Variants in PPP1R36 observed in about 807,000 individuals in gnomAD.
The protein encoded by PPP1R36 is chromosome 14 open reading frame 50.
A neutral mutation model predicts 53.4 loss-of-function variants in PPP1R36; 47 were observed. The observed-to-expected ratio is 0.88, with a 90% CI of 0.70 to 1.12. The LOEUF is 1.12. Ranked by LOEUF, PPP1R36 falls within the 50% of genes most tolerant of loss-of-function variation. PPP1R36 has a pLI of 0.00. For missense variants in PPP1R36, 456 were observed against 513.9 expected (o/e 0.89, Z 1.09); for synonymous variants, 153 against 170.5 (o/e 0.90, Z 0.80).
intron 8 of PPP1R36, among the ~76,000 whole-genome samples, chr14:64,577,023 A>G (rs566449740): frequency 1.4e-4 from 22 of 152,254 alleles, no homozygotes; most frequent in Admixed American, 1.3e-3. Context: ...GTGGCTTATA[A>G]ACAACAGAAA....
chr14:64,574,695 T>TCAA, intron 8 of PPP1R36, 106 bp downstream of exon 8: 1 of 1,289,198 alleles, frequency 7.8e-7, no homozygotes, highest in Non-Finnish European at 1.1e-6. Flanking sequence ...TTCCTTTTTC[T>TCAA]GTTGTCCAGA....
rs559761958 is a variant in PPP1R36 at position 64,578,136 on chromosome 14, T to G, written c.668+3547T>G. ...CGCCTGGCTAATTTTTTGTATTTAG[T>G]AGAGATGGGGTTTCACCATGTTAGT... On this transcript the variant is annotated intron_variant, in intron 8 of 11. Coordinates refer to ENST00000298705, the MANE Select transcript of PPP1R36 (RefSeq NM_172365.3). Among the ~76,000 whole-genome samples, 8 of 151,898 alleles carry G rather than the reference T, an allele frequency of 5.3e-5. No individual in the cohort carries two copies. In the South Asian group the frequency reaches 1.7e-3, roughly 32 times the overall value.
chr14:64,551,882 G>T (rs1168671908), intron 2 of PPP1R36, among the ~76,000 whole-genome samples: 9 of 152,146 alleles, frequency 5.9e-5, no homozygotes. Context: ...CATGTTCAAA[G>T]AATCTGCTAG....
At chr14:64,563,493 G>T (rs12323845) in intron 3 of PPP1R36, among the ~76,000 whole-genome samples, 81,772 of 151,012 alleles carry the variant, frequency 0.54, 22,764 homozygotes, top group East Asian at 0.65. Flanking sequence ...TGGAAAAATT[G>T]TAAAAAATCA....
In PPP1R36 at chr14:64,581,281, G is replaced by A. The variant is rs140591358; in HGVS notation, c.669-5556G>A. 2.8e-4 allele frequency among the ~76,000 whole-genome samples: 43 copies of A among 152,292 alleles called. 2 individuals carry two copies. The East Asian group carries it at 8.1e-3, about 29-fold the overall frequency. On this transcript the variant is annotated intron_variant, in intron 8 of 11. Transcript: ENST00000298705. Reference sequence around the variant, plus strand: ...AAAAACTTGGGGTCTGCAGAAAGATGTGTTAGGTCTGGCTCATGTACATGA... The same window carrying A: ...AAAAACTTGGGGTCTGCAGAAAGATATGTTAGGTCTGGCTCATGTACATGA...
intron 3 of PPP1R36, among the ~76,000 whole-genome samples, chr14:64,556,774 G>GTGTGTGTGTA (rs1363360381): frequency 6.7e-6 from 1 of 148,904 alleles, no homozygotes. Flanking sequence ...GTGTGTGTGT[G>GTGTGTGTGTA]TGTGTGTGTG....
intron 3 of PPP1R36, among the ~76,000 whole-genome samples, chr14:64,558,996 T>G (rs1016358328): frequency 1.3e-5 from 2 of 152,162 alleles, no homozygotes; most frequent in African/African-American, 4.8e-5. Context: ...ATAGTAGCCT[T>G]TAGTGGATCT....
chr14:64,553,271 C>G (rs957550169), intron 3 of PPP1R36, among the ~76,000 whole-genome samples: 4 of 152,166 alleles, frequency 2.6e-5, no homozygotes, highest in Admixed American at 1.3e-4. Flanking sequence ...ATTTTTCAAA[C>G]TAATTTTCAG....
rs756330401 is a variant in PPP1R36, at chr14:64,565,423, A to G, written c.336A>G (p.Gln112=). The change falls in exon 5 of 12, where the codon CAA becomes CAG. Residue 112 remains glutamine, a synonymous_variant. Coordinates refer to ENST00000298705, the MANE Select transcript of PPP1R36 (RefSeq NM_172365.3). The stretch of plus-strand genomic sequence containing the variant: ...CTAAAGCTGTAGAGAAACGAGGTCA[A>G]CAGGGCACCATTACACTGGATGATG... The part of the protein sequence containing the change: ...KSAKAVEKRG[Q]QGTITLDDVK... 1.2e-6 allele frequency: 2 copies of G among 1,613,426 alleles called. No homozygotes were observed. The highest frequency in any genetic ancestry group is 1.1e-5 in the South Asian group (1 of 91,028).
At chr14:64,588,327 C>A in intron 11 of PPP1R36, 32 bp downstream of exon 11, 1 of 1,557,598 alleles carries the variant, frequency 6.4e-7, no homozygotes, top group Non-Finnish European at 8.7e-7. Context: ...GCATGAGTGC[C>A]TTGAGGTGGC....
intron 3 of PPP1R36, among the ~76,000 whole-genome samples, chr14:64,558,756 C>T (rs1489696694): frequency 1.3e-5 from 2 of 151,946 alleles, no homozygotes; most frequent in Non-Finnish European, 2.9e-5. Context: ...TTGCCTCAGC[C>T]TCTTGAGTAG....
At chr14:64,566,342 C>T (rs2080255992) in intron 6 of PPP1R36, among the ~76,000 whole-genome samples, 1 of 151,556 alleles carries the variant, frequency 6.6e-6, no homozygotes, top group East Asian at 1.9e-4. Flanking sequence ...ACTTTGGCGG[C>T]TGAGGCAGGA....
At chr14:64,580,432 T>G (rs567003811) in intron 8 of PPP1R36, among the ~76,000 whole-genome samples, 1 of 152,370 alleles carries the variant, frequency 6.6e-6, no homozygotes, top group East Asian at 1.9e-4. Context: ...TTTATAATAT[T>G]TTTTAGTTCT....
intron 4 of PPP1R36, 119 bp from the exon 5 acceptor site, chr14:64,565,238 C>A (rs2080240231): frequency 7.8e-6 from 5 of 639,692 alleles, no homozygotes; most frequent in Admixed American, 3.2e-5. Flanking sequence ...CAAACAAAAC[C>A]CATGTATGAC....
intron 7 of PPP1R36, among the ~76,000 whole-genome samples, chr14:64,571,220 GGTT>G (rs1297399700): frequency 6.6e-6 from 1 of 152,034 alleles, no homozygotes; most frequent in Non-Finnish European, 1.5e-5. Context: ...CTGCCTCCCG[GGTT>G]CAAGTGATTC....
At chr14:64,562,850 AT>A (rs987744964) in intron 3 of PPP1R36, among the ~76,000 whole-genome samples, 1 of 151,606 alleles carries the variant, frequency 6.6e-6, no homozygotes. Flanking sequence ...TTATGATTTT[AT>A]TTTTTATTTT....
At chr14:64,552,748 A>G (rs963333003) in intron 2 of PPP1R36, 66 bp from the exon 3 acceptor site, 4 of 1,242,920 alleles carry the variant, frequency 3.2e-6, no homozygotes, top group African/African-American at 1.5e-5. Flanking sequence ...ATTTTATAGA[A>G]TATGTATTTC....
In PPP1R36 at chr14:64,550,078, C is replaced by T; in HGVS notation, c.69+12C>T. ...CTTACTTGATGGATGTAAGTGCAGC[C>T]TTGGTCGCCCCCATACCCGGGCTGG... On this transcript the variant is annotated intron_variant, in intron 1 of 11. Coordinates refer to ENST00000298705, the MANE Select transcript of PPP1R36 (RefSeq NM_172365.3). The T allele has an allele frequency of 6.4e-7, 1 of 1,554,246 alleles. No individual in the cohort carries two copies. Among genetic ancestry groups the T allele is most frequent in the South Asian group, 1.2e-5 (1 of 84,226 alleles).
chr14:64,550,147 C>G (rs2080082652), intron 1 of PPP1R36, 81 bp downstream of exon 1: 1 of 1,502,328 alleles, frequency 6.7e-7, no homozygotes, highest in Admixed American at 2.1e-5. Context: ...CCGCGCCCCT[C>G]GCCCTCCTCC....
Sources: allele counts gnomAD v4.1 joint callset (sites outside exome capture counted in the v4.1 genomes callset), GRCh38; gene constraint gnomAD v4.1.1; transcripts MANE v1.5; gene names NCBI Gene and HGNC (gene_info 2026-07-23, HGNC 2026-07-21).